Variants in SYNE1 observed in about 807,000 individuals in gnomAD.
SYNE1 encodes the protein nesprin-1.
Under a neutral mutation model 1,111.0 loss-of-function variants are expected in SYNE1, and 616 were observed. That is an observed-to-expected ratio of 0.55 (90% CI 0.52 to 0.59). SYNE1 has a LOEUF of 0.59. Ranked by LOEUF, SYNE1 falls within the 20% of genes least tolerant of loss-of-function variation. The probability of loss-of-function intolerance (pLI) is 0.00; values close to 1 mark genes in which losing one functional copy is unlikely to be tolerated. For synonymous variants in SYNE1, 3,855 were observed against 3,825.8 expected (o/e 1.01, Z -0.28); for missense variants, 10,006 against 10,417.0 (o/e 0.96, Z 1.72).
chr6:152,265,075 G>A (rs1326467659), intron 100 of SYNE1, among the ~76,000 whole-genome samples: 1 of 151,360 alleles, frequency 6.6e-6, no homozygotes, highest in Non-Finnish European at 1.5e-5. Flanking sequence ...GCATAGTGGT[G>A]GGCACCTGTA....
intron 18 of SYNE1, 45 bp from the exon 19 acceptor site, chr6:152,463,562 A>C: frequency 1.3e-6 from 2 of 1,492,988 alleles, no homozygotes; most frequent in Non-Finnish European, 1.9e-6. Flanking sequence ...TAAACCAAAT[A>C]TCAGTGACTG....
intron 3 of SYNE1, among the ~76,000 whole-genome samples, chr6:152,608,606 G>A (rs551745159): frequency 1.3e-4 from 20 of 152,216 alleles, no homozygotes; most frequent in South Asian, 2.1e-4. Flanking sequence ...CTTTGTACCC[G>A]TCAATCTTTA....
intron 3 of SYNE1, among the ~76,000 whole-genome samples, chr6:152,585,083 T>A (rs539455752): frequency 2.0e-4 from 31 of 152,312 alleles, no homozygotes; most frequent in African/African-American, 6.7e-4. Flanking sequence ...ATTCTGCTAA[T>A]AGTGAGTGAG....
At position 152,325,129 on chromosome 6, in the gene SYNE1, C is replaced by A; in HGVS notation, c.15612G>T (p.Lys5204Asn). The A allele has an allele frequency of 1.2e-6, 2 of 1,614,252 alleles. No individual in the cohort carries two copies. Among genetic ancestry groups the A allele is most frequent in the Non-Finnish European group, 1.7e-6 (2 of 1,180,048 alleles). Residue 5204 changes from lysine to asparagine, a missense_variant, in exon 81 of 146, where the codon AAG becomes AAT. Physicochemically the swap from Lys to Asn is moderately conservative, Grantham distance 94. Around this residue, in one of 7 missense-constraint regions of SYNE1, gnomAD observed 4,955 missense variants for 5,017.2 expected, o/e 0.99. Coordinates refer to ENST00000367255, the MANE Select transcript of SYNE1 (RefSeq NM_182961.4). ...ACTCATCCACTGCATCTTCCAGGAT[C>A]TTCTCCTGGTCCTGGGCCACAGCTC... ...RLRAVAQDQE[K>N]ILEDAVDEWT...
chr6:152,312,686 T>A (rs1287597195), intron 87 of SYNE1, among the ~76,000 whole-genome samples: 1 of 150,034 alleles, frequency 6.7e-6, no homozygotes, highest in East Asian at 1.9e-4. Flanking sequence ...AGAAAATATA[T>A]GACTTGGAAA....
In SYNE1 at chr6:152,362,220, T is replaced by C. The variant is rs1420692341; in HGVS notation, c.10249A>G (p.Arg3417Gly). The change falls in exon 64 of 146, where the codon AGG (arginine) becomes GGG (glycine). Residue 3417 changes from arginine to glycine, a missense_variant. Physicochemically the swap from Arg to Gly is moderately radical, Grantham distance 125 (BLOSUM62 -2). Coordinates refer to ENST00000367255, the MANE Select transcript of SYNE1 (RefSeq NM_182961.4). ...SMEANLNESERQHAELRDKTT... is the reference protein window; with the variant it reads ...SMEANLNESEGQHAELRDKTT... ...TTATCCCGCAGCTCCGCATGCTGCC[T>C]TTCTGATTCATTCAGGTTGGCTTCC... The C allele has an allele frequency of 3.1e-6, 5 of 1,614,128 alleles. No homozygotes were observed. Among genetic ancestry groups the C allele is most frequent in the East Asian group, 2.2e-5 (1 of 44,900 alleles).
At chr6:152,141,110 A>T (rs925550803) in intron 139 of SYNE1, 93 bp downstream of exon 139, 1 of 1,558,416 alleles carries the variant, frequency 6.4e-7, no homozygotes, top group Admixed American at 1.7e-5. Flanking sequence ...GGTGTAGAAG[A>T]AGGCCAAGCC....
chr6:152,594,059 C>T (rs2099574167), intron 3 of SYNE1, among the ~76,000 whole-genome samples: 1 of 152,116 alleles, frequency 6.6e-6, no homozygotes, highest in Non-Finnish European at 1.5e-5. Context: ...GCTCAATTTT[C>T]ATTTTCTTTG....
chr6:152,378,880 ACATTCTCTTG>A (rs2097343103), intron 56 of SYNE1, among the ~76,000 whole-genome samples: 1 of 152,182 alleles, frequency 6.6e-6, no homozygotes, highest in Admixed American at 6.5e-5. Context: ...AGCAGGAATG[ACATTCTCTTG>A]GTTTGTCAAT....
chr6:152,495,959 A>G (rs2098997313), intron 11 of SYNE1, among the ~76,000 whole-genome samples: 2 of 152,342 alleles, frequency 1.3e-5, no homozygotes, highest in Admixed American at 6.5e-5. Context: ...CAGAAACTTC[A>G]TATATAATAC....
intron 130 of SYNE1, among the ~76,000 whole-genome samples, chr6:152,175,889 G>C (rs180914054): frequency 1.4e-4 from 21 of 152,216 alleles, no homozygotes; most frequent in African/African-American, 4.3e-4. Flanking sequence ...AACACTTATA[G>C]TTAGCACTAA....
intron 133 of SYNE1, among the ~76,000 whole-genome samples, chr6:152,152,538 A>G (rs1370721210): frequency 6.6e-6 from 1 of 152,234 alleles, no homozygotes; most frequent in Non-Finnish European, 1.5e-5. Flanking sequence ...TGAGTTTGAA[A>G]TGTTGACAAC....
In SYNE1 at chr6:152,352,160, T is replaced by TG; in HGVS notation, c.11446dup (p.His3816ProfsTer9). ...TTTATCTGAGAATTCCTTTGCTAAA[T>TG]GAAGACCTTTTTCCAGCGTCATGTG... On this transcript the variant is annotated frameshift_variant, in exon 70 of 146. Coordinates refer to ENST00000367255, the MANE Select transcript of SYNE1 (RefSeq NM_182961.4). LOFTEE classifies it high-confidence loss of function. 1 of 1,614,234 alleles carries TG rather than the reference T, an allele frequency of 6.2e-7. No homozygotes were observed. The highest frequency in any genetic ancestry group is 8.5e-7 in the Non-Finnish European group (1 of 1,180,040).
intron 104 of SYNE1, among the ~76,000 whole-genome samples, chr6:152,251,388 T>C (rs1302608600): frequency 6.6e-6 from 1 of 152,194 alleles, no homozygotes; most frequent in African/African-American, 2.4e-5. Context: ...AAGCAAAGAA[T>C]ATGATTGATT....
chr6:152,242,615 C>T (rs377600057), intron 106 of SYNE1, among the ~76,000 whole-genome samples, 175 bp from the exon 107 acceptor site: 2 of 152,196 alleles, frequency 1.3e-5, no homozygotes, highest in African/African-American at 4.8e-5. Context: ...ATGAGCCTTA[C>T]TTTGAAAACA....
At chr6:152,537,530 CTT>C (rs528769448) in intron 4 of SYNE1, among the ~76,000 whole-genome samples, 2 of 152,106 alleles carry the variant, frequency 1.3e-5, no homozygotes, top group South Asian at 4.2e-4. Context: ...CATACTATCT[CTT>C]CTTATTGCTA....
At chr6:152,178,910 CTTT>C (rs750037655) in intron 129 of SYNE1, among the ~76,000 whole-genome samples, 13 of 115,528 alleles carry the variant, frequency 1.1e-4, no homozygotes, top group Non-Finnish European at 1.0e-4. Context: ...TCACCCAATT[CTTT>C]TTTTTTTTTT....
chr6:152,507,604 T>G (rs972861278), intron 8 of SYNE1, among the ~76,000 whole-genome samples: 2 of 152,298 alleles, frequency 1.3e-5, no homozygotes, highest in East Asian at 3.9e-4. Flanking sequence ...GACACAGCAT[T>G]TAAAGAAGTG....
At chr6:152,602,372 C>G (rs1303628802) in intron 3 of SYNE1, among the ~76,000 whole-genome samples, 1 of 152,092 alleles carries the variant, frequency 6.6e-6, no homozygotes, top group Admixed American at 6.5e-5. Flanking sequence ...ATCTACAAAC[C>G]AGGGAGAGAG....
Sources: gnomAD v4.1 joint callset for allele counts (sites outside exome capture counted in the v4.1 genomes callset) on GRCh38, gnomAD v4.1.1 for gene constraint, gnomAD v4.1.1 regional missense constraint, MANE v1.5 for transcripts, NCBI Gene and HGNC (gene_info 2026-07-23, HGNC 2026-07-21) for gene names.